Variants in PVT1 observed in about 807,000 individuals in gnomAD.
PVT1 encodes CXCR4/PVT1 fusion.
At chr8:127,868,587 G>A (rs1331649266) in intron 2 of PVT1, among the ~76,000 whole-genome samples, 1 of 150,442 alleles carries the variant, frequency 6.6e-6, no homozygotes, top group Non-Finnish European at 1.5e-5. Context: ...ATGGGTTTTC[G>A]CCATGTTGGC....
At chr8:127,970,289 GTTT>G (rs68010926) in intron 3 of PVT1, among the ~76,000 whole-genome samples, 19 of 49,114 alleles carry the variant, frequency 3.9e-4, no homozygotes, top group African/African-American at 1.0e-3. Flanking sequence ...GCCATGATTT[GTTT>G]TTTTTTTTTT....
At chr8:127,973,569 G>T (rs547061882) in intron 3 of PVT1, among the ~76,000 whole-genome samples, 1 of 151,904 alleles carries the variant, frequency 6.6e-6, no homozygotes, top group Non-Finnish European at 1.5e-5. Context: ...ACAACTGTGT[G>T]TTGGGATTGT....
intron 2 of PVT1, among the ~76,000 whole-genome samples, chr8:127,824,285 C>T (rs1054677785): frequency 6.6e-6 from 1 of 152,144 alleles, no homozygotes; most frequent in Non-Finnish European, 1.5e-5. Flanking sequence ...AGTCTAAATT[C>T]CTAAAGTGAT....
At chr8:127,880,813 C>T (rs1338384319) in intron 2 of PVT1, among the ~76,000 whole-genome samples, 2 of 151,734 alleles carry the variant, frequency 1.3e-5, no homozygotes, top group African/African-American at 2.4e-5. Context: ...GCTGGCCAGG[C>T]TGGTCTTGAA....
intron 4 of PVT1, among the ~76,000 whole-genome samples, chr8:128,007,522 A>G (rs1212539821): frequency 6.6e-6 from 1 of 152,206 alleles, no homozygotes; most frequent in Non-Finnish European, 1.5e-5. Context: ...AAGTTGTAGT[A>G]CCATTTGTAT....
At chr8:127,824,432 A>G (rs529552876) in intron 2 of PVT1, among the ~76,000 whole-genome samples, 1 of 152,258 alleles carries the variant, frequency 6.6e-6, no homozygotes, top group East Asian at 1.9e-4. Flanking sequence ...TGTTGGGATT[A>G]CAGACACGAG....
At chr8:127,993,972 A>G (rs959486276) in intron 4 of PVT1, among the ~76,000 whole-genome samples, 3 of 152,164 alleles carry the variant, frequency 2.0e-5, no homozygotes, top group Non-Finnish European at 4.4e-5. Flanking sequence ...AGATGAAGGG[A>G]CTGGAGGCTT....
intron 3 of PVT1, among the ~76,000 whole-genome samples, chr8:127,906,015 C>T (rs1815815720): frequency 6.6e-6 from 1 of 152,204 alleles, no homozygotes; most frequent in Non-Finnish European, 1.5e-5. Context: ...TTTGCACAAA[C>T]CCCACACACA....
At chr8:128,017,474 C>T (rs531948526) in intron 4 of PVT1, among the ~76,000 whole-genome samples, 1 of 152,226 alleles carries the variant, frequency 6.6e-6, no homozygotes, top group African/African-American at 2.4e-5. Context: ...CAGAGTCTTG[C>T]TCTGTAGCCC....
intron 3 of PVT1, among the ~76,000 whole-genome samples, chr8:127,939,229 T>A (rs1421132406): frequency 6.6e-6 from 1 of 152,156 alleles, no homozygotes; most frequent in African/African-American, 2.4e-5. Flanking sequence ...TGTACAAAGG[T>A]GGGGCTGTGG....
chr8:127,794,745 A>AT (rs974546267), intron 1 of PVT1: 2 of 153,182 alleles, frequency 1.3e-5, no homozygotes, highest in Non-Finnish European at 2.9e-5. Flanking sequence ...GTAAGTTCCA[A>AT]TTTTGTCCCC....
rs1364328092 is a variant in PVT1, at chr8:128,001,463, G to C, written n.912+12172G>C. On this transcript the variant is annotated intron_variant and non_coding_transcript_variant, in intron 4 of 10. Coordinates refer to ENST00000651587, the Ensembl canonical transcript of PVT1. ...TTCTTGGGGGGTTTCCTCTGTACCG[G>C]TGCCCAGCTGCCCAAGGGTCCCAGA... 2.0e-5 allele frequency among the ~76,000 whole-genome samples: 3 copies of C among 152,086 alleles called. No individual in the cohort carries two copies. The East Asian group carries it at 5.8e-4, about 29-fold the overall frequency.
intron 2 of PVT1, among the ~76,000 whole-genome samples, chr8:127,811,019 AGATTG>A (rs1814588427): frequency 6.6e-6 from 1 of 152,170 alleles, no homozygotes; most frequent in African/African-American, 2.4e-5. Flanking sequence ...GAGGATGAGT[AGATTG>A]TACAACCACA....
chr8:127,844,310 C>T (rs1354535636), intron 2 of PVT1, among the ~76,000 whole-genome samples: 3 of 152,178 alleles, frequency 2.0e-5, no homozygotes, highest in Non-Finnish European at 4.4e-5. Flanking sequence ...TGATTGCAGC[C>T]TCATAATGGG....
At chr8:127,866,896 G>A (rs1009735423) in intron 2 of PVT1, among the ~76,000 whole-genome samples, 6 of 152,284 alleles carry the variant, frequency 3.9e-5, no homozygotes, top group African/African-American at 9.6e-5. Flanking sequence ...GCCTTGGGCC[G>A]TGTTAGAGGA....
chr8:127,939,089 C>G lies in PVT1; in HGVS notation n.782+48091C>G, dbSNP rs116683848. Among the ~76,000 whole-genome samples the G allele has an allele frequency of 3.8e-3, 585 of 152,310 alleles. 4 individuals are homozygous for G. The highest frequency in any genetic ancestry group is 0.014 in the African/African-American group (564 of 41,574). ...TTGGACCAAGGGGTCTTCTTGCTTC[C>G]GCTTTCTCTAGGCCAAGGCTTTGCA... is the stretch of plus-strand genomic sequence containing the variant. On this transcript the variant is annotated intron_variant and non_coding_transcript_variant, in intron 3 of 10. Transcript: ENST00000651587.
chr8:127,928,162 G>A (rs1037492973), intron 3 of PVT1, among the ~76,000 whole-genome samples: 2 of 152,084 alleles, frequency 1.3e-5, no homozygotes, highest in African/African-American at 4.8e-5. Context: ...AAGGACCACC[G>A]GCCGTCAATA....
intron 2 of PVT1, among the ~76,000 whole-genome samples, chr8:127,854,403 A>T (rs1463984242): frequency 6.6e-6 from 1 of 152,194 alleles, no homozygotes; most frequent in African/African-American, 2.4e-5. Flanking sequence ...TCTGAGTCAC[A>T]GTGCAGCCCT....
intron 2 of PVT1, among the ~76,000 whole-genome samples, chr8:127,876,918 C>T (rs546967806): frequency 1.3e-5 from 2 of 152,314 alleles, no homozygotes; most frequent in African/African-American, 2.4e-5. Context: ...GATGTGCCTG[C>T]GTGACTTGAG....
Sources: gnomAD v4.1 joint callset for allele counts (sites outside exome capture counted in the v4.1 genomes callset) on GRCh38, gnomAD v4.1.1 for gene constraint, MANE v1.5 for transcripts, NCBI Gene and HGNC (gene_info 2026-07-23, HGNC 2026-07-21) for gene names.